The following CTNND2 variants were observed in gnomAD, a reference collection of about 807,000 sequenced individuals.
CTNND2 encodes catenin delta-2.
A neutral mutation model predicts 144.4 loss-of-function variants in CTNND2; 22 were observed. The observed-to-expected ratio is 0.15, with a 90% CI of 0.11 to 0.22. The LOEUF is 0.22. Ranked by LOEUF, CTNND2 falls within the 10% of genes least tolerant of loss-of-function variation. CTNND2 has a pLI of 1.00. For synonymous variants in CTNND2, 751 were observed against 695.6 expected (o/e 1.08, Z -1.25); for missense variants, 1,353 against 1,618.8 (o/e 0.84, Z 2.82).
At chr5:11,529,990 A>G (rs1773596228) in intron 3 of CTNND2, among the ~76,000 whole-genome samples, 1 of 151,244 alleles carries the variant, frequency 6.6e-6, no homozygotes, top group African/African-American at 2.4e-5. Context: ...TTAAAGCTGT[A>G]CTTTTTCTGA....
At chr5:11,432,139 T>C (rs1763359245) in intron 3 of CTNND2, among the ~76,000 whole-genome samples, 1 of 150,798 alleles carries the variant, frequency 6.6e-6, no homozygotes, top group Admixed American at 6.6e-5. Flanking sequence ...TTTTTTTTTT[T>C]TTAAGTTAAG....
chr5:11,093,120 A>G (rs981608660), intron 15 of CTNND2, among the ~76,000 whole-genome samples: 4 of 152,224 alleles, frequency 2.6e-5, no homozygotes, highest in African/African-American at 9.6e-5. Flanking sequence ...TCTTATTTTT[A>G]AAATAAATGG....
chr5:11,827,966 G>A (rs950786996), intron 1 of CTNND2, among the ~76,000 whole-genome samples: 4 of 152,146 alleles, frequency 2.6e-5, no homozygotes, highest in Non-Finnish European at 5.9e-5. Flanking sequence ...GTCATTGCCA[G>A]AACAGTACAG....
At chr5:11,739,277 T>C (rs142012329) in intron 1 of CTNND2, among the ~76,000 whole-genome samples, 185 of 152,128 alleles carry the variant, frequency 1.2e-3, no homozygotes, top group Middle Eastern at 6.8e-3. Flanking sequence ...ACCAGGATAA[T>C]TGGAAGGCAG....
chr5:11,732,040 GTTTCT>G, intron 2 of CTNND2, 91 bp downstream of exon 2: 1 of 1,222,036 alleles, frequency 8.2e-7, no homozygotes, highest in Non-Finnish European at 1.1e-6. Context: ...ATGAGTATGA[GTTTCT>G]TTTAACATAA....
chr5:11,498,790 C>A (rs1010220745), intron 3 of CTNND2, among the ~76,000 whole-genome samples: 33 of 152,120 alleles, frequency 2.2e-4, no homozygotes, highest in African/African-American at 8.0e-4. Context: ...TAAAGCATAT[C>A]TTTTAACAGT....
intron 6 of CTNND2, among the ~76,000 whole-genome samples, chr5:11,396,158 T>A (rs1385154467): frequency 2.6e-5 from 4 of 152,166 alleles, no homozygotes; most frequent in Non-Finnish European, 4.4e-5. Context: ...GCAAACGTGG[T>A]GTGGGGCTTG....
chr5:11,014,798 G>A (rs534393680), intron 18 of CTNND2, among the ~76,000 whole-genome samples: 9 of 152,234 alleles, frequency 5.9e-5, no homozygotes, highest in South Asian at 2.1e-4. Context: ...AGATGGCGCC[G>A]AATTCTGTTC....
intron 16 of CTNND2, among the ~76,000 whole-genome samples, chr5:11,067,186 C>T (rs768074446): frequency 9.2e-5 from 14 of 152,056 alleles, no homozygotes; most frequent in Non-Finnish European, 1.9e-4. Context: ...AAAAATCGTC[C>T]AGGTATTGAT....
chr5:11,329,521 G>T (rs920213216), intron 9 of CTNND2, among the ~76,000 whole-genome samples: 7 of 152,100 alleles, frequency 4.6e-5, no homozygotes, highest in African/African-American at 1.7e-4. Context: ...TGGGGGGTTG[G>T]GATTTCAACA....
intron 2 of CTNND2, among the ~76,000 whole-genome samples, chr5:11,728,137 TA>T (rs1787123523): frequency 6.6e-6 from 1 of 152,084 alleles, no homozygotes; most frequent in Non-Finnish European, 1.5e-5. Flanking sequence ...TGACACAACA[TA>T]TATAAAGTAC....
chr5:11,541,024 A>G (rs1246060798), intron 3 of CTNND2, among the ~76,000 whole-genome samples: 1 of 152,196 alleles, frequency 6.6e-6, no homozygotes, highest in East Asian at 1.9e-4. Context: ...TCAGACTGCA[A>G]AATACGACAC....
In CTNND2 at chr5:11,211,500, C is replaced by T. The variant is rs533489926; in HGVS notation, c.1762-11839G>A. On this transcript the variant is annotated intron_variant, in intron 10 of 21. Transcript: ENST00000304623. ...ATGGCCAAATTCTAGGTCTGTTTTA[C>T]AGGTAGGGTGGTAAATATCAAGTCT... Among the ~76,000 whole-genome samples, 4 of 152,272 alleles carry T rather than the reference C, an allele frequency of 2.6e-5. No individual in the cohort carries two copies. The South Asian group carries it at 8.3e-4, about 32-fold the overall frequency.
At chr5:11,611,507 G>A (rs1780321408) in intron 2 of CTNND2, among the ~76,000 whole-genome samples, 2 of 152,204 alleles carry the variant, frequency 1.3e-5, no homozygotes, top group South Asian at 2.1e-4. Context: ...GCCAGGTGCA[G>A]TGGCTCATGC....
chr5:11,304,343 TTCTC>T (rs913487537), intron 9 of CTNND2, among the ~76,000 whole-genome samples: 12 of 145,818 alleles, frequency 8.2e-5, no homozygotes, highest in South Asian at 6.6e-4. Context: ...CACACACTCT[TTCTC>T]TCTCTCTTTT....
intron 16 of CTNND2, among the ~76,000 whole-genome samples, chr5:11,071,315 AT>A (rs1699241835): frequency 6.6e-6 from 1 of 152,160 alleles, no homozygotes; most frequent in Non-Finnish European, 1.5e-5. Flanking sequence ...AGGCGGGCAG[AT>A]GGCTTAAGGC....
intron 2 of CTNND2, among the ~76,000 whole-genome samples, chr5:11,599,740 G>A (rs1779685371): frequency 6.6e-6 from 1 of 152,136 alleles, no homozygotes; most frequent in African/African-American, 2.4e-5. Flanking sequence ...TTGCGAAAAT[G>A]GAGTTTAGAC....
intron 2 of CTNND2, among the ~76,000 whole-genome samples, chr5:11,682,893 T>A (rs1230444105): frequency 1.3e-5 from 2 of 152,138 alleles, no homozygotes; most frequent in Non-Finnish European, 2.9e-5. Flanking sequence ...TACAGAAATA[T>A]GCAACTATGA....
intron 11 of CTNND2, among the ~76,000 whole-genome samples, chr5:11,182,564 GTGATT>G (rs1462530905): frequency 2.4e-4 from 34 of 142,900 alleles, no homozygotes; most frequent in African/African-American, 1.0e-3. Flanking sequence ...TTAATTGCAG[GTGATT>G]GCCCTCAACT....
Sources: allele counts gnomAD v4.1 joint callset (sites outside exome capture counted in the v4.1 genomes callset), GRCh38; gene constraint gnomAD v4.1.1; transcripts MANE v1.5; gene names NCBI Gene and HGNC (gene_info 2026-07-23, HGNC 2026-07-21).